Variants in LUZP2 observed in about 807,000 individuals in gnomAD.
LUZP2 encodes the protein leucine zipper protein 2.
LUZP2 carries 52 observed loss-of-function variants against 51.6 expected under a neutral mutation model. The observed-to-expected ratio is 1.01, with a 90% CI of 0.81 to 1.27. The LOEUF (loss-of-function observed/expected upper bound fraction) is 1.27. Among genes scored for constraint, LUZP2 ranks in the 50% most tolerant of loss-of-function variants. The pLI, the probability that LUZP2 is intolerant of heterozygous loss-of-function variation, is 0.00. For missense variants in LUZP2, 436 were observed against 395.4 expected, an observed-to-expected ratio of 1.10 and a Z score of -0.87; for synonymous variants, 154 against 137.3, an observed-to-expected ratio of 1.12 and a Z score of -0.85.
chr11:24,602,181 T>TAC lies in LUZP2; in HGVS notation c.62+104877_62+104878insCA, dbSNP rs1491111633. 3.1e-3 allele frequency among the ~76,000 whole-genome samples: 402 copies of TAC among 128,370 alleles called. 9 individuals are homozygous for TAC. The highest frequency in any genetic ancestry group is 5.7e-3 in the Non-Finnish European group (342 of 59,734). 84.2% of individuals were successfully genotyped at this position (128,370 alleles called of 152,430 possible). A position where few individuals can be genotyped will look rare whatever the true frequency, so the allele number is the denominator to read the frequency against. The stretch of plus-strand genomic sequence containing the variant: ...ATGTATATATGTGTATATATATGTG[T>TAC]ATATATGTATATATGTACATATATG... On this transcript the variant is annotated intron_variant, in intron 1 of 11. Coordinates refer to ENST00000336930, the MANE Select transcript of LUZP2 (RefSeq NM_001009909.4).
intron 5 of LUZP2, among the ~76,000 whole-genome samples, chr11:24,773,400 T>C (rs776326795): frequency 2.0e-5 from 3 of 152,126 alleles, no homozygotes; most frequent in Non-Finnish European, 4.4e-5. Flanking sequence ...AAGAGATGAA[T>C]AGCAAACGTT....
At chr11:24,646,924 G>A (rs1855478492) in intron 1 of LUZP2, among the ~76,000 whole-genome samples, 2 of 152,032 alleles carry the variant, frequency 1.3e-5, no homozygotes, top group South Asian at 4.1e-4. Flanking sequence ...ATAATTTATT[G>A]TTTTAATATT....
intron 1 of LUZP2, among the ~76,000 whole-genome samples, chr11:24,573,315 T>G (rs1852501189): frequency 6.6e-6 from 1 of 152,022 alleles, no homozygotes; most frequent in South Asian, 2.1e-4. Context: ...AACTCAGAGC[T>G]TGTACATCAC....
At chr11:24,648,677 A>G (rs1041888591) in intron 1 of LUZP2, among the ~76,000 whole-genome samples, 22 of 152,028 alleles carry the variant, frequency 1.4e-4, no homozygotes, top group Admixed American at 1.3e-3. Context: ...GAGGCTGTGA[A>G]TCAGAATGGA....
intron 5 of LUZP2, among the ~76,000 whole-genome samples, chr11:24,781,632 C>T (rs992534594): frequency 5.3e-5 from 8 of 151,614 alleles, no homozygotes; most frequent in African/African-American, 1.7e-4. Flanking sequence ...AAAAAATAGA[C>T]CTCATAACAC....
At chr11:24,679,406 A>T (rs10834428) in intron 1 of LUZP2, among the ~76,000 whole-genome samples, 28,088 of 151,894 alleles carry the variant, frequency 0.18, 2,689 homozygotes, top group East Asian at 0.33. Flanking sequence ...TATTTTCTTA[A>T]TTATTTTTAT....
rs538598555 is a variant in LUZP2 at position 24,635,690 on chromosome 11, CTGTAATGAAATT to C, written c.63-93476_63-93465del. Among the ~76,000 whole-genome samples the C allele has an allele frequency of 1.8e-3, 274 of 152,256 alleles. 1 individual carries two copies. The highest frequency in any genetic ancestry group is 6.4e-3 in the African/African-American group (264 of 41,564). ...AAAGTTATACATTTTAAAACCTCAT[CTGTAATGAAATT>C]TGGAGAGAAAAGAAGCTGTCAGACC... On this transcript the variant is annotated intron_variant, in intron 1 of 11. Coordinates refer to ENST00000336930, the MANE Select transcript of LUZP2 (RefSeq NM_001009909.4).
chr11:25,021,569 G>T (rs1857334686), intron 9 of LUZP2, among the ~76,000 whole-genome samples: 1 of 151,818 alleles, frequency 6.6e-6, no homozygotes, highest in Non-Finnish European at 1.5e-5. Context: ...TGTGTTTGAG[G>T]TATTAATGGT....
intron 9 of LUZP2, among the ~76,000 whole-genome samples, chr11:25,039,919 C>A (rs148657029): frequency 1.3e-5 from 2 of 152,004 alleles, no homozygotes; most frequent in African/African-American, 4.8e-5. Flanking sequence ...TTTTAGATAT[C>A]ACTACAGACA....
At chr11:25,047,788 A>G (rs560860173) in intron 9 of LUZP2, among the ~76,000 whole-genome samples, 61 of 152,172 alleles carry the variant, frequency 4.0e-4, no homozygotes, top group African/African-American at 1.4e-3. Flanking sequence ...GGCTCTAGCC[A>G]TATCATACCT....
chr11:24,669,469 C>A (rs1465489730), intron 1 of LUZP2, among the ~76,000 whole-genome samples: 1 of 151,968 alleles, frequency 6.6e-6, no homozygotes, highest in Non-Finnish European at 1.5e-5. Context: ...ATAGAACTAA[C>A]CTTTGGGGAT....
At chr11:24,860,162 C>T (rs1467202117) in intron 5 of LUZP2, among the ~76,000 whole-genome samples, 2 of 152,222 alleles carry the variant, frequency 1.3e-5, no homozygotes, top group Non-Finnish European at 2.9e-5. Flanking sequence ...GTCCAACACA[C>T]TGGCTGTCAT....
chr11:24,970,140 T>A (rs1590788780), intron 7 of LUZP2, among the ~76,000 whole-genome samples: 1 of 152,270 alleles, frequency 6.6e-6, no homozygotes, highest in Admixed American at 6.5e-5. Flanking sequence ...AATGAGAATT[T>A]TGGAGCCAAC....
chr11:24,708,606 T>C (rs1369973988), intron 1 of LUZP2, among the ~76,000 whole-genome samples: 2 of 152,168 alleles, frequency 1.3e-5, no homozygotes, highest in Non-Finnish European at 2.9e-5. Flanking sequence ...CCACTTCTTG[T>C]AGGCCTATAA....
At chr11:24,672,969 G>T (rs1218580897) in intron 1 of LUZP2, among the ~76,000 whole-genome samples, 1 of 152,160 alleles carries the variant, frequency 6.6e-6, no homozygotes, top group African/African-American at 2.4e-5. Context: ...ACTCATAAGA[G>T]CCTGAACCCT....
At chr11:24,681,579 CAT>C (rs1404376233) in intron 1 of LUZP2, among the ~76,000 whole-genome samples, 1 of 152,094 alleles carries the variant, frequency 6.6e-6, no homozygotes, top group Non-Finnish European at 1.5e-5. Flanking sequence ...AATTATCTAA[CAT>C]ATCTGTTCTA....
chr11:24,593,969 T>C (rs1365278008), intron 1 of LUZP2, among the ~76,000 whole-genome samples: 1 of 152,200 alleles, frequency 6.6e-6, no homozygotes, highest in Non-Finnish European at 1.5e-5. Flanking sequence ...GGGCAGGATT[T>C]AAATAGAATT....
chr11:24,861,657 C>A (rs10834510), intron 5 of LUZP2, among the ~76,000 whole-genome samples: 1,576 of 152,090 alleles, frequency 0.01, 19 homozygotes, highest in African/African-American at 0.036. Context: ...CACTAGTGGC[C>A]GAAGAATGAG....
chr11:24,797,675 G>A (rs1590546363), intron 5 of LUZP2, among the ~76,000 whole-genome samples: 1 of 152,140 alleles, frequency 6.6e-6, no homozygotes, highest in South Asian at 2.1e-4. Context: ...GGATAACTTA[G>A]GGGAAACATA....
Sources: gnomAD v4.1 joint callset for allele counts (sites outside exome capture counted in the v4.1 genomes callset) on GRCh38, gnomAD v4.1.1 for gene constraint, MANE v1.5 for transcripts, NCBI Gene and HGNC (gene_info 2026-07-23, HGNC 2026-07-21) for gene names.